The following DACH2 variants were observed in gnomAD, a reference collection of about 807,000 sequenced individuals.
DACH2 encodes dachshund family transcription factor 2.
A neutral mutation model predicts 35.8 loss-of-function variants in DACH2; 17 were observed. The ratio of observed to expected loss-of-function variants is 0.48; its 90% confidence interval spans 0.33 to 0.71. The LOEUF is 0.71. DACH2 is among the 30% of genes least tolerant of loss of function. The pLI is 0.02. For missense variants in DACH2, 469 were observed against 472.7 expected (o/e 0.99, Z 0.07); for synonymous variants, 195 against 177.3 (o/e 1.10, Z -0.79).
chrX:86,624,051 AAAACAAAAC>A lies in DACH2; in HGVS notation c.641-26981_641-26973del, dbSNP rs1461248869. Among the ~76,000 whole-genome samples, 111 of 59,075 alleles carry A rather than the reference AAAACAAAAC, an allele frequency of 1.9e-3. 2 individuals are homozygous for A. The highest frequency in any genetic ancestry group is 3.6e-3 in the East Asian group (3 of 842). The allele number at this position is 59,075 out of a possible 115,157, so 51.3% of individuals were successfully genotyped here. A position where few individuals can be genotyped will look rare whatever the true frequency, so the allele number is the denominator to read the frequency against. ...CGACAGAGCGAAACTCCGTCTCAAA[AAAACAAAAC>A]AAAAAAAAAAAAAAAAAAAAAAGTG... On this transcript the variant is annotated intron_variant, in intron 3 of 11. Coordinates refer to ENST00000373125, the MANE Select transcript of DACH2 (RefSeq NM_053281.3).
At chrX:86,765,698 G>GTT (rs60709865) in intron 7 of DACH2, among the ~76,000 whole-genome samples, 26 of 24,639 alleles carry the variant, frequency 1.1e-3, no homozygotes, top group Non-Finnish European at 1.2e-3. Flanking sequence ...TTGTTTTTTG[G>GTT]TTTTTTTTTT....
chrX:86,552,484 C>T (rs138242470), intron 3 of DACH2, among the ~76,000 whole-genome samples: 141 of 112,073 alleles, frequency 1.3e-3, no homozygotes, highest in African/African-American at 4.4e-3. Flanking sequence ...GGCAGCACAA[C>T]TAATGAGGGA....
intron 2 of DACH2, among the ~76,000 whole-genome samples, chrX:86,466,811 C>T (rs1569411999): frequency 1.8e-5 from 2 of 111,407 alleles, no homozygotes; most frequent in Admixed American, 9.5e-5. Context: ...AGCCTTGAGG[C>T]TTGCACCCTC....
At chrX:86,548,896 A>G (rs1018384) in intron 3 of DACH2, among the ~76,000 whole-genome samples, 34,837 of 110,983 alleles carry the variant, frequency 0.31, 4,544 homozygotes, top group Middle Eastern at 0.48. Flanking sequence ...AAAAACCTGA[A>G]CTTGAGACCA....
At chrX:86,507,502 G>T (rs777929404) in intron 2 of DACH2, among the ~76,000 whole-genome samples, 1 of 103,856 alleles carries the variant, frequency 9.6e-6, no homozygotes, top group South Asian at 4.3e-4. Flanking sequence ...GGCAGTTACA[G>T]CAAATTACAC....
intron 3 of DACH2, among the ~76,000 whole-genome samples, chrX:86,527,627 T>A (rs2038653246): frequency 8.9e-6 from 1 of 112,420 alleles, no homozygotes; most frequent in African/African-American, 3.2e-5. Flanking sequence ...CTTTTACCAG[T>A]TTTTAGCTAT....
intron 1 of DACH2, among the ~76,000 whole-genome samples, chrX:86,273,184 A>T (rs981727087): frequency 5.3e-5 from 6 of 112,212 alleles, no homozygotes; most frequent in African/African-American, 1.9e-4. Flanking sequence ...AGAAGAACAA[A>T]ATTGTAAAAA....
chrX:86,438,168 A>G (rs1263824118), intron 2 of DACH2, among the ~76,000 whole-genome samples: 2 of 105,097 alleles, frequency 1.9e-5, no homozygotes, highest in Non-Finnish European at 3.9e-5. Flanking sequence ...TTTGCTTAGG[A>G]TAATGGCCTC....
intron 7 of DACH2, among the ~76,000 whole-genome samples, chrX:86,751,137 C>T (rs1335010206): frequency 9.1e-6 from 1 of 110,341 alleles, no homozygotes; most frequent in Non-Finnish European, 1.9e-5. Context: ...AACTTGGCAC[C>T]AAAACCTGAT....
rs6623642 is a variant in DACH2 at position 86,301,403 on chromosome X, A to T, written c.489-75421A>T. Among the ~76,000 whole-genome samples, 4 of 112,017 alleles carry T rather than the reference A, an allele frequency of 3.6e-5. No individual in the cohort carries two copies. In the East Asian group the frequency reaches 1.1e-3, roughly 31 times the overall value. On this transcript the variant is annotated intron_variant, in intron 1 of 11. Coordinates refer to ENST00000373125, the MANE Select transcript of DACH2 (RefSeq NM_053281.3). ...TGCCCTTCTGCTTCAGTGATAAAAA[A>T]TTATTTTTGAAATTCAAGGAAGATT...
intron 6 of DACH2, among the ~76,000 whole-genome samples, chrX:86,718,103 C>T (rs1454319122): frequency 9.0e-6 from 1 of 110,776 alleles, no homozygotes; most frequent in Admixed American, 9.7e-5. Context: ...AGTGAATGCA[C>T]TAATTTACAT....
chrX:86,407,891 A>G (rs769923305), intron 2 of DACH2, among the ~76,000 whole-genome samples: 1 of 111,951 alleles, frequency 8.9e-6, no homozygotes, highest in South Asian at 3.7e-4. Flanking sequence ...CAACCCATTT[A>G]TTTATCAGAC....
chrX:86,568,877 G>A (rs371504479), intron 3 of DACH2, among the ~76,000 whole-genome samples: 1 of 111,305 alleles, frequency 9.0e-6, no homozygotes, highest in East Asian at 2.9e-4. Flanking sequence ...TGGAGACATT[G>A]ATTTGGGAAG....
chrX:86,383,527 C>A (rs1456813281), intron 2 of DACH2, among the ~76,000 whole-genome samples: 13 of 102,269 alleles, frequency 1.3e-4, no homozygotes, highest in African/African-American at 4.6e-4. Flanking sequence ...AAAGTCAAAA[C>A]CATGGACACG....
intron 6 of DACH2, among the ~76,000 whole-genome samples, chrX:86,726,802 G>A (rs756632997): frequency 8.9e-6 from 1 of 111,901 alleles, no homozygotes; most frequent in Non-Finnish European, 1.9e-5. Flanking sequence ...AGTCCTGGGA[G>A]CTTCTCCGTT....
chrX:86,185,712 A>T (rs1602264546), intron 1 of DACH2, among the ~76,000 whole-genome samples: 1 of 111,649 alleles, frequency 9.0e-6, no homozygotes, highest in South Asian at 3.7e-4. Flanking sequence ...TTCATACATG[A>T]TTCATATATA....
chrX:86,474,526 T>A (rs1483387596), intron 2 of DACH2, among the ~76,000 whole-genome samples: 1 of 112,043 alleles, frequency 8.9e-6, no homozygotes, highest in African/African-American at 3.2e-5. Context: ...TATTTTGATT[T>A]GATTTTTCTA....
At chrX:86,279,414 C>A (rs1348563244) in intron 1 of DACH2, among the ~76,000 whole-genome samples, 1 of 111,782 alleles carries the variant, frequency 8.9e-6, no homozygotes, top group Non-Finnish European at 1.9e-5. Context: ...CTGGAGAGGA[C>A]CTCCAGCAGA....
chrX:86,279,961 C>A (rs1189059695), intron 1 of DACH2, among the ~76,000 whole-genome samples: 1 of 109,424 alleles, frequency 9.1e-6, no homozygotes, highest in East Asian at 2.9e-4. Flanking sequence ...TTTGAAAAGA[C>A]CAAACCTACG....
Sources: allele counts gnomAD v4.1 joint callset (sites outside exome capture counted in the v4.1 genomes callset), GRCh38; gene constraint gnomAD v4.1.1; transcripts MANE v1.5; gene names NCBI Gene and HGNC (gene_info 2026-07-23, HGNC 2026-07-21).